The following CACNA1C variants were observed in gnomAD, a reference collection of about 807,000 sequenced individuals.
CACNA1C encodes the protein voltage-dependent L-type calcium channel subunit alpha-1C.
Under a neutral mutation model 229.0 loss-of-function variants are expected in CACNA1C, and 30 were observed. The ratio of observed to expected loss-of-function variants is 0.13; its 90% CI spans 0.10 to 0.18. The LOEUF is 0.18. Among genes scored for constraint, CACNA1C ranks in the 10% least tolerant of loss-of-function variants. The pLI is 1.00. For synonymous variants in CACNA1C, 1,114 were observed against 1,132.5 expected (o/e 0.98, Z 0.33); for missense variants, 1,658 against 2,845.0 (o/e 0.58, Z 9.49).
At chr12:2,021,314 A>G (rs576423075) in intron 1 of CACNA1C, among the ~76,000 whole-genome samples, 15 of 152,312 alleles carry the variant, frequency 9.8e-5, no homozygotes, top group African/African-American at 3.6e-4. Flanking sequence ...GGTAATTTAA[A>G]CACAGAGATA....
chr12:2,623,163 G>A (rs916820673), intron 29 of CACNA1C, among the ~76,000 whole-genome samples: 1 of 152,162 alleles, frequency 6.6e-6, no homozygotes, highest in Non-Finnish European at 1.5e-5. Context: ...CAGTCTAGTG[G>A]GACAAGGGTT....
chr12:2,057,820 G>A (rs1343149924), intron 1 of CACNA1C, among the ~76,000 whole-genome samples: 4 of 152,146 alleles, frequency 2.6e-5, no homozygotes, highest in Non-Finnish European at 4.4e-5. Context: ...CAGAGGGCCC[G>A]GTGGTGCCCA....
At chr12:2,484,426 G>A (rs775420525) in intron 5 of CACNA1C, among the ~76,000 whole-genome samples, 2 of 152,190 alleles carry the variant, frequency 1.3e-5, no homozygotes, top group East Asian at 1.9e-4. Flanking sequence ...AGCCAGACCC[G>A]ACAGGGCCCT....
chr12:2,569,918 T>TAA (rs768074316), intron 13 of CACNA1C, among the ~76,000 whole-genome samples: 4 of 152,206 alleles, frequency 2.6e-5, no homozygotes, highest in Non-Finnish European at 5.9e-5. Flanking sequence ...CAGCAATGTA[T>TAA]AAGGGTTCCA....
rs150409912 is a variant in CACNA1C at position 2,067,161 on chromosome 12, C to T, written c.49+13550C>T. On this transcript the variant is annotated intron_variant, in intron 1 of 46. Coordinates refer to ENST00000399655, the MANE Select transcript of CACNA1C (RefSeq NM_000719.7). This position sits in a 1 kb window ranked among gnomAD's most constrained non-coding sequence, Gnocchi z 5.3. The stretch of plus-strand genomic sequence containing the variant: ...CAAAGGGTTCTAGCTCTGTAGGAGG[C>T]GTGCCAAGCTCGAGCTGGTGTGGGA... 1.2e-4 allele frequency among the ~76,000 whole-genome samples: 19 copies of T among 152,140 alleles called. No homozygotes were observed. The East Asian group carries it at 1.4e-3, about 11-fold the overall frequency.
At chr12:2,419,004 A>T (rs368665532) in intron 3 of CACNA1C, among the ~76,000 whole-genome samples, 1 of 152,332 alleles carries the variant, frequency 6.6e-6, no homozygotes, top group East Asian at 1.9e-4. Flanking sequence ...TTACATTATA[A>T]AATAAGCACT....
chr12:2,185,537 G>A (rs2096971221), intron 3 of CACNA1C, among the ~76,000 whole-genome samples: 1 of 152,216 alleles, frequency 6.6e-6, no homozygotes, highest in Non-Finnish European at 1.5e-5. Context: ...ACTCCAATAT[G>A]ATTGGATTTA....
At chr12:2,381,354 C>A (rs1428235288) in intron 3 of CACNA1C, among the ~76,000 whole-genome samples, 1 of 152,204 alleles carries the variant, frequency 6.6e-6, no homozygotes, top group Non-Finnish European at 1.5e-5. Context: ...TTCCTCTTCC[C>A]GATTATGATT....
At chr12:2,204,250 CT>C (rs1428189831) in intron 3 of CACNA1C, among the ~76,000 whole-genome samples, 3 of 151,980 alleles carry the variant, frequency 2.0e-5, no homozygotes, top group Non-Finnish European at 4.4e-5. Flanking sequence ...TAAATGTCTT[CT>C]TTTGAGAAGT....
intron 3 of CACNA1C, among the ~76,000 whole-genome samples, chr12:2,176,598 ACCTGTT>A (rs756611415): frequency 3.0e-4 from 39 of 131,156 alleles, no homozygotes; most frequent in Non-Finnish European, 5.6e-4. Context: ...CAAGTGCTTC[ACCTGTT>A]CCTAGGGGTT....
chr12:2,110,670 C>T (rs1024979420), intron 1 of CACNA1C, among the ~76,000 whole-genome samples: 2 of 152,118 alleles, frequency 1.3e-5, no homozygotes, highest in African/African-American at 4.8e-5. Context: ...TGGGAGTCTT[C>T]GGTAGTTGTG....
chr12:2,597,320 G>A lies in CACNA1C; in HGVS notation c.2853+31G>A. 1 of 1,565,766 alleles carries A rather than the reference G, an allele frequency of 6.4e-7. No homozygotes were observed. Among genetic ancestry groups the A allele is most frequent in the Non-Finnish European group, 8.8e-7 (1 of 1,136,412 alleles). ...GCCCCCATCCCCTTCTGCTCCTCCT[G>A]TCCCCCTTGTGCCAGCACCAGGTCT... is the stretch of plus-strand genomic sequence containing the variant. On this transcript the variant is annotated intron_variant, in intron 21 of 46. Coordinates refer to ENST00000399655, the MANE Select transcript of CACNA1C (RefSeq NM_000719.7). The surrounding 1 kb of genome is among the most constrained non-coding windows in gnomAD (Gnocchi z 4.3).
chr12:2,546,422 G>C (rs1328115341), intron 9 of CACNA1C, among the ~76,000 whole-genome samples: 1 of 152,116 alleles, frequency 6.6e-6, no homozygotes, highest in Non-Finnish European at 1.5e-5. Flanking sequence ...TGCAGTAGCT[G>C]ATGTCTTCAC....
intron 34 of CACNA1C, among the ~76,000 whole-genome samples, chr12:2,661,201 A>G (rs2095702261): frequency 6.6e-6 from 1 of 151,704 alleles, no homozygotes; most frequent in South Asian, 2.1e-4. Flanking sequence ...GTTTGAGGTT[A>G]CAGTGAGCTA....
intron 3 of CACNA1C, among the ~76,000 whole-genome samples, chr12:2,317,173 G>A (rs533011678): frequency 6.6e-6 from 1 of 152,136 alleles, no homozygotes; most frequent in Non-Finnish European, 1.5e-5. Context: ...GCACCCTAAA[G>A]AATTGAAAGC....
At chr12:2,200,811 C>G (rs1263821654) in intron 3 of CACNA1C, among the ~76,000 whole-genome samples, 1 of 152,094 alleles carries the variant, frequency 6.6e-6, no homozygotes, top group African/African-American at 2.4e-5. Flanking sequence ...TGGAGGCAAC[C>G]CTGGAGATCT....
intron 5 of CACNA1C, among the ~76,000 whole-genome samples, chr12:2,472,040 A>G (rs1597359313): frequency 6.6e-6 from 1 of 151,866 alleles, no homozygotes; most frequent in Non-Finnish European, 1.5e-5. Flanking sequence ...TGCTTTTAAA[A>G]TTTTCTCTCT....
At position 2,215,712 on chromosome 12, in the gene CACNA1C, C is replaced by A. The variant is rs2059803981; in HGVS notation, c.477+95282C>A. 2.6e-5 allele frequency among the ~76,000 whole-genome samples: 4 copies of A among 152,206 alleles called. No individual in the cohort carries two copies. On this transcript the variant is annotated intron_variant, in intron 3 of 46. Coordinates refer to ENST00000399655, the MANE Select transcript of CACNA1C (RefSeq NM_000719.7). This position sits in a 1 kb window ranked among gnomAD's most constrained non-coding sequence, Gnocchi z 5.0. ...CATGTTCTCTCCCAAACAGGCCAGT[C>A]CTTGGAGCTGCTGCCATGGCTTCAG...
chr12:2,084,886 G>A (rs1192779590), intron 1 of CACNA1C, among the ~76,000 whole-genome samples: 2 of 152,086 alleles, frequency 1.3e-5, no homozygotes, highest in African/African-American at 4.8e-5. Context: ...CCTTTACATT[G>A]TGCTTATTCT....
Sources: allele counts gnomAD v4.1 joint callset (sites outside exome capture counted in the v4.1 genomes callset), GRCh38; gene constraint gnomAD v4.1.1; non-coding constraint Gnocchi (gnomAD v3.1); transcripts MANE v1.5; gene names NCBI Gene and HGNC (gene_info 2026-07-23, HGNC 2026-07-21).